The following SV2C variants were observed in gnomAD, a reference collection of about 807,000 sequenced individuals.
The protein encoded by SV2C is synaptic vesicle glycoprotein 2C.
In SV2C, 49 loss-of-function variants were observed where a neutral mutation model predicts 79.7. The ratio of observed to expected loss-of-function variants is 0.61; its 90% CI spans 0.49 to 0.78. The LOEUF is 0.78. Ranked by LOEUF, SV2C falls within the 30% of genes least tolerant of loss-of-function variation. The pLI, the probability that SV2C is intolerant of heterozygous loss-of-function variation, is 0.00. For missense variants in SV2C, 833 were observed against 912.9 expected (o/e 0.91, Z 1.13); for synonymous variants, 334 against 333.2 (o/e 1.00, Z -0.03).
chr5:76,333,951 A>G lies in SV2C; in HGVS notation c.*8404A>G, dbSNP rs543816635. The G allele has an allele frequency of 6.6e-6, 1 of 152,264 alleles. No individual in the cohort carries two copies. Among genetic ancestry groups the G allele is most frequent in the East Asian group, 1.9e-4 (1 of 5,182 alleles). 9.4% of individuals were successfully genotyped at this position (152,264 alleles called of 1,614,324 possible). A position where few individuals can be genotyped will look rare whatever the true frequency, so the allele number is the denominator to read the frequency against. On this transcript the variant is annotated 3_prime_UTR_variant, in exon 13 of 13. Transcript: ENST00000502798. ...TTTTTTTTTTGCTCCATTATATTCA[A>G]ATACAGATTGCTGTGTGACTGGCTT...
intron 12 of SV2C, among the ~76,000 whole-genome samples, chr5:76,342,416 C>T (rs2112586014): frequency 1.3e-5 from 2 of 152,310 alleles, no homozygotes; most frequent in Non-Finnish European, 1.5e-5. Flanking sequence ...CAACTGTTCA[C>T]AGCAGGCCAA....
the SV2C span, among the ~76,000 whole-genome samples, chr5:75,904,506 C>T: frequency 1.3e-5 from 2 of 152,074 alleles, no homozygotes; most frequent in African/African-American, 4.8e-5. Context: ...GCAAATTGAT[C>T]AGAGCTGTGA....
the SV2C span, among the ~76,000 whole-genome samples, chr5:75,882,236 C>G: frequency 6.6e-6 from 1 of 151,446 alleles, no homozygotes; most frequent in Non-Finnish European, 1.5e-5. Flanking sequence ...CAATGTTCAT[C>G]GAGGAAATAA....
intron 2 of SV2C, 69 bp downstream of exon 2, chr5:76,132,399 G>C: frequency 1.4e-6 from 2 of 1,437,034 alleles, no homozygotes; most frequent in South Asian, 1.4e-5. Context: ...TATCAACATA[G>C]AGAATAAATA....
chr5:76,119,964 C>G (rs1748425082), intron 1 of SV2C, among the ~76,000 whole-genome samples: 1 of 152,044 alleles, frequency 6.6e-6, no homozygotes, highest in African/African-American at 2.4e-5. Flanking sequence ...AATCTACAAG[C>G]ACAGTAAGGT....
chr5:76,087,497 T>C (rs1747237480), intron 1 of SV2C, among the ~76,000 whole-genome samples: 2 of 152,200 alleles, frequency 1.3e-5, no homozygotes, highest in African/African-American at 4.8e-5. Context: ...CCTAGAATCC[T>C]AGAGTAGCCA....
chr5:76,337,733 G>A (rs1290118532), downstream of SV2C, among the ~76,000 whole-genome samples: 2 of 152,166 alleles, frequency 1.3e-5, no homozygotes, highest in Non-Finnish European at 2.9e-5. Context: ...AATTCTGGGG[G>A]AGACCTCAGG....
In SV2C at chr5:76,330,672, A is replaced by G. The variant is rs1300352317; in HGVS notation, c.*5125A>G. 6.6e-6 allele frequency: 1 copy of G among 152,094 alleles called. No individual in the cohort carries two copies. The highest frequency in any genetic ancestry group is 2.4e-5 in the African/African-American group (1 of 41,414). 9.4% of individuals were successfully genotyped at this position (152,094 alleles called of 1,614,324 possible). A position where few individuals can be genotyped will look rare whatever the true frequency, so the allele number is the denominator to read the frequency against. ...GAGATAACCTTTGATGAGAGGAGAA[A>G]GCTCCTTGATTACCTGGTTTTTGTT... On this transcript the variant is annotated 3_prime_UTR_variant, in exon 13 of 13. Coordinates refer to ENST00000502798, the MANE Select transcript of SV2C (RefSeq NM_014979.4).
At chr5:76,114,535 T>A (rs73130244) in intron 1 of SV2C, among the ~76,000 whole-genome samples, 6,825 of 152,262 alleles carry the variant, frequency 0.045, 510 homozygotes, top group African/African-American at 0.16. Context: ...GTAATAGGAA[T>A]GAGGCCGACT....
the SV2C span, among the ~76,000 whole-genome samples, chr5:75,970,081 CA>C: frequency 1.3e-5 from 2 of 152,092 alleles, no homozygotes; most frequent in Non-Finnish European, 2.9e-5. Context: ...CTACTGGGTA[CA>C]TAACAAAATG....
the SV2C span, among the ~76,000 whole-genome samples, chr5:75,886,109 G>A: frequency 6.6e-6 from 1 of 152,080 alleles, no homozygotes; most frequent in African/African-American, 2.4e-5. Context: ...TTGACCTTGG[G>A]TGAGTCAGCC....
rs572861804 is a variant in SV2C at position 76,231,661 on chromosome 5, C to T, written c.913+21774C>T. On this transcript the variant is annotated intron_variant, in intron 4 of 12. Transcript: ENST00000502798. ...GTCCATGTGATCTCATTGTTCAATT[C>T]CCACCTATGAGTGAGAATATGCGGT... Among the ~76,000 whole-genome samples the T allele has an allele frequency of 4.4e-4, 62 of 141,682 alleles. 2 individuals carry two copies. The highest frequency in any genetic ancestry group is 6.9e-4 in the Non-Finnish European group (47 of 67,808). 92.9% of individuals were successfully genotyped at this position (141,682 alleles called of 152,430 possible). A position where few individuals can be genotyped will look rare whatever the true frequency, so the allele number is the denominator to read the frequency against.
the SV2C span, among the ~76,000 whole-genome samples, chr5:75,975,566 C>G: frequency 6.6e-6 from 1 of 152,168 alleles, no homozygotes; most frequent in East Asian, 1.9e-4. Context: ...CTTTCTCAAG[C>G]TCCATGTGAC....
chr5:75,904,346 G>T, the SV2C span, among the ~76,000 whole-genome samples: 1 of 151,008 alleles, frequency 6.6e-6, no homozygotes, highest in Admixed American at 6.6e-5. Flanking sequence ...GGAATCAGGG[G>T]TCTCAGAAGC....
intron 4 of SV2C, among the ~76,000 whole-genome samples, chr5:76,231,055 C>A (rs1745403582): frequency 6.6e-6 from 1 of 152,190 alleles, no homozygotes; most frequent in Non-Finnish European, 1.5e-5. Flanking sequence ...CTGCCCAGTG[C>A]AGGAACCTGC....
At chr5:76,130,145 TAAA>T (rs375351450) in intron 1 of SV2C, among the ~76,000 whole-genome samples, 353 of 67,702 alleles carry the variant, frequency 5.2e-3, no homozygotes, top group African/African-American at 0.025. Flanking sequence ...TCTCAGTTCT[TAAA>T]AAAAAAAAAA....
chr5:76,323,581 A>G (rs2972856), intron 12 of SV2C, among the ~76,000 whole-genome samples: 67,350 of 152,116 alleles, frequency 0.44, 15,280 homozygotes, highest in East Asian at 0.56. Context: ...AAAGACACAT[A>G]CACATGAATG....
chr5:76,005,087 T>G, the SV2C span, among the ~76,000 whole-genome samples: 1 of 152,218 alleles, frequency 6.6e-6, no homozygotes, highest in Non-Finnish European at 1.5e-5. Context: ...GTTTATATTT[T>G]CAGCCAGCAG....
Position 76,085,826 on chromosome 5 carries a change from T to TACACACACACACACACACACAC in SV2C, c.-102+2326_-102+2347dup, listed in dbSNP as rs34074817. The stretch of plus-strand genomic sequence containing the variant: ...GGAAAATATTAGCAAACAAAGCCCC[T>TACACACACACACACACACACAC]ACACACACACACACACACACACACA... On this transcript the variant is annotated intron_variant, in intron 1 of 12. Coordinates refer to ENST00000502798, the MANE Select transcript of SV2C (RefSeq NM_014979.4). 9.9e-3 allele frequency among the ~76,000 whole-genome samples: 1,405 copies of TACACACACACACACACACACAC among 141,916 alleles called. 20 individuals carry two copies. Among genetic ancestry groups the TACACACACACACACACACACAC allele is most frequent in the Middle Eastern group, 0.022 (6 of 278 alleles). 93.1% of individuals were successfully genotyped at this position (141,916 alleles called of 152,430 possible). A position where few individuals can be genotyped will look rare whatever the true frequency, so the allele number is the denominator to read the frequency against.
Sources: gnomAD v4.1 joint callset for allele counts (sites outside exome capture counted in the v4.1 genomes callset) on GRCh38, gnomAD v4.1.1 for gene constraint, MANE v1.5 for transcripts, NCBI Gene and HGNC (gene_info 2026-07-23, HGNC 2026-07-21) for gene names.